Variants in DNAH1 observed in about 807,000 individuals in gnomAD.
The protein encoded by DNAH1 is dynein axonemal heavy chain 1.
A neutral mutation model predicts 484.3 loss-of-function variants in DNAH1; 327 were observed. The ratio of observed to expected loss-of-function variants is 0.68; its 90% CI spans 0.62 to 0.74. DNAH1 has a LOEUF of 0.74. Ranked by LOEUF, DNAH1 falls within the 30% of genes least tolerant of loss-of-function variation. DNAH1 has a pLI of 0.00. For missense variants in DNAH1, 5,052 were observed against 5,546.8 expected (o/e 0.91, Z 2.83); for synonymous variants, 2,192 against 2,191.9 (o/e 1.00, Z 0.00).
chr3:52,370,677 A>G (rs1295468845), intron 40 of DNAH1, 41 bp from the exon 41 acceptor site: 15 of 1,598,430 alleles, frequency 9.4e-6, no homozygotes, highest in Non-Finnish European at 1.3e-5. Flanking sequence ...CCTCAGTCCT[A>G]CTGGGCCTCA....
Position 52,396,763 on chromosome 3 carries a change from T to C in DNAH1, c.11576T>C (p.Met3859Thr). The C allele has an allele frequency of 6.2e-7, 1 of 1,613,750 alleles. No homozygotes were observed. The highest frequency in any genetic ancestry group is 8.5e-7 in the Non-Finnish European group (1 of 1,179,868). Residue 3859 changes from methionine (M) to threonine (T), a missense_variant, in exon 72 of 78, where the codon ATG becomes ACG. Physicochemically the swap from Met to Thr is moderately conservative, Grantham distance 81. This residue lies in a region of DNAH1 where 853 missense variants were observed against 899.0 expected (regional missense o/e 0.95). Coordinates refer to ENST00000420323, the MANE Select transcript of DNAH1 (RefSeq NM_015512.5). The part of the protein sequence containing the change: ...DLRICISQLK[M>T]FLDEYDDIPY... ...CGCATCTGCATCAGCCAGCTCAAGA[T>C]GTTCCTGGACGAATATGATGACATC...
Position 52,349,252 on chromosome 3 carries a change from C to G in DNAH1, c.2358C>G (p.His786Gln). Reference protein sequence around the residue: ...AQEVREVVLTHLREKEILDSS... With the variant: ...AQEVREVVLTQLREKEILDSS... ...AGGTGCGGGAGGTAGTGCTCACCCA[C>G]CTGCGGGAGAAGGAGATCCTGGACA... The change falls in exon 14 of 78, where the codon CAC (histidine) becomes CAG (glutamine). Residue 786 changes from histidine to glutamine, a missense_variant. By Grantham distance (24) the His-to-Gln change is conservative (BLOSUM62 0). Transcript: ENST00000420323. 6.2e-7 allele frequency: 1 copy of G among 1,613,984 alleles called. No homozygotes were observed. Among genetic ancestry groups the G allele is most frequent in the South Asian group, 1.1e-5 (1 of 91,082 alleles).
rs1702727669 is a variant in DNAH1 at position 52,358,778 on chromosome 3, C to T, written c.4266+41C>T. The stretch of plus-strand genomic sequence containing the variant: ...CCCGTGCAGCCTTCCACCCCTGCAC[C>T]CCTCTGCTCCCTCTCAGTGCCCCTC... On this transcript the variant is annotated intron_variant, in intron 25 of 77. Transcript: ENST00000420323. The surrounding 1 kb of genome is among the most constrained non-coding windows in gnomAD (Gnocchi z 4.2). 1 of 1,603,334 alleles carries T rather than the reference C, an allele frequency of 6.2e-7. No individual in the cohort carries two copies. Among genetic ancestry groups the T allele is most frequent in the Non-Finnish European group, 8.5e-7 (1 of 1,176,308 alleles).
intron 3 of DNAH1, among the ~76,000 whole-genome samples, chr3:52,324,259 A>G (rs924462755): frequency 6.6e-6 from 1 of 152,182 alleles, no homozygotes; most frequent in African/African-American, 2.4e-5. Context: ...CCCAGCACCT[A>G]GAACAGGACC....
At chr3:52,322,142 G>T (rs1397999965) in intron 1 of DNAH1, among the ~76,000 whole-genome samples, 3 of 152,186 alleles carry the variant, frequency 2.0e-5, no homozygotes, top group East Asian at 3.9e-4. Context: ...GGCATCTGCA[G>T]TGTTTCCCCT....
chr3:52,325,893 T>C (rs1300288586), intron 3 of DNAH1, among the ~76,000 whole-genome samples: 2 of 152,150 alleles, frequency 1.3e-5, no homozygotes, highest in African/African-American at 4.8e-5. Context: ...TCAAGCATGC[T>C]GGCTCTGGAC....
rs769364888 is a variant in DNAH1 at position 52,331,100 on chromosome 3, C to T, written c.872-48C>T. On this transcript the variant is annotated intron_variant, in intron 6 of 77. Transcript: ENST00000420323. ...GCTGCCAGCACTCAGAGGCCCCTTC[C>T]TGCCCCCATGGCGGGGGGCACTGGT... 2.6e-6 allele frequency: 4 copies of T among 1,544,942 alleles called. No homozygotes were observed. The South Asian group carries it at 3.6e-5, about 14-fold the overall frequency.
chr3:52,326,340 A>G, intron 4 of DNAH1, 26 bp downstream of exon 4: 2 of 1,590,882 alleles, frequency 1.3e-6, no homozygotes, highest in Non-Finnish European at 1.7e-6. Context: ...CTGTGGGGAG[A>G]CTGTCGGGGA....
At chr3:52,377,000 G>T (rs562143090) in intron 46 of DNAH1, among the ~76,000 whole-genome samples, 1 of 152,022 alleles carries the variant, frequency 6.6e-6, no homozygotes, top group African/African-American at 2.4e-5. Flanking sequence ...ACTGGGGCTT[G>T]GTCTCCAGCC....
chr3:52,345,816 G>A lies in DNAH1; in HGVS notation c.1656+110G>A, dbSNP rs1009131597. On this transcript the variant is annotated intron_variant, in intron 10 of 77. Coordinates refer to ENST00000420323, the MANE Select transcript of DNAH1 (RefSeq NM_015512.5). ...CCAGGGTCAGTGGGCCACATGGTGA[G>A]GCTGTGAGCCCCTGCTTTTCTCAAA... is the stretch of plus-strand genomic sequence containing the variant. 5.3e-6 allele frequency: 6 copies of A among 1,130,754 alleles called. No homozygotes were observed. In the Admixed American group the frequency reaches 9.4e-5, roughly 18 times the overall value. 70.0% of individuals were successfully genotyped at this position (1,130,754 alleles called of 1,614,324 possible).
chr3:52,375,298 A>G lies in DNAH1; in HGVS notation c.7044A>G (p.Gly2348=). ...NFVCAMGPPG[G]GRNTVTPRLM... The stretch of plus-strand genomic sequence containing the variant: ...TCTGTGCCATGGGCCCCCCGGGTGG[A>G]GGCAGGAACACCGTCACCCCGCGGC... The change falls in exon 45 of 78, where the codon GGA becomes GGG. Residue 2348 remains glycine (G), a synonymous_variant. Coordinates refer to ENST00000420323, the MANE Select transcript of DNAH1 (RefSeq NM_015512.5). 1 of 1,612,480 alleles carries G rather than the reference A, an allele frequency of 6.2e-7. No individual in the cohort carries two copies.
At chr3:52,335,435 G>A (rs1701708425) in intron 8 of DNAH1, among the ~76,000 whole-genome samples, 2 of 135,750 alleles carry the variant, frequency 1.5e-5, no homozygotes, top group South Asian at 2.4e-4. Flanking sequence ...TCTCTCCCGA[G>A]TAGCTGGAAT....
chr3:52,345,417 A>C (rs1702101053), intron 9 of DNAH1, 78 bp from the exon 10 acceptor site: 1 of 1,259,678 alleles, frequency 7.9e-7, no homozygotes, highest in Non-Finnish European at 1.1e-6. Context: ...CCCTCCTTCA[A>C]GCACCCTGTG....
At chr3:52,312,843 G>A (rs993541145), upstream of DNAH1, among the ~76,000 whole-genome samples, 15 of 151,998 alleles carry the variant, frequency 9.9e-5, no homozygotes, top group East Asian at 1.9e-4. Flanking sequence ...TAGTAGAGAC[G>A]GGGTTTTACT....
chr3:52,388,651 C>T (rs1442898547), intron 58 of DNAH1, 42 bp downstream of exon 58: 1 of 1,611,328 alleles, frequency 6.2e-7, no homozygotes, highest in East Asian at 2.2e-5. Context: ...CGGGCCCGGC[C>T]CAGACAGGGG....
intron 60 of DNAH1, among the ~76,000 whole-genome samples, chr3:52,390,349 C>T (rs1465711060): frequency 1.3e-5 from 2 of 152,172 alleles, no homozygotes; most frequent in African/African-American, 4.8e-5. Flanking sequence ...CCTGTAGTCC[C>T]AGCTTCTCAG....
chr3:52,335,002 A>G (rs1701686364), intron 8 of DNAH1, among the ~76,000 whole-genome samples: 1 of 151,928 alleles, frequency 6.6e-6, no homozygotes, highest in African/African-American at 2.4e-5. Context: ...GGGTTTCACC[A>G]TGTTCGCCAG....
chr3:52,356,732 A>G lies in DNAH1; in HGVS notation c.3812A>G (p.Glu1271Gly). 6.2e-7 allele frequency: 1 copy of G among 1,613,684 alleles called. No homozygotes were observed. The highest frequency in any genetic ancestry group is 8.5e-7 in the Non-Finnish European group (1 of 1,179,782). Residue 1271 changes from glutamate to glycine, a missense_variant, in exon 22 of 78, where the codon GAG (glutamate) becomes GGG (glycine). By Grantham distance (98) the Glu-to-Gly change is moderately conservative (BLOSUM62 -2). Around this residue, in one of 4 missense-constraint regions of DNAH1, gnomAD observed 2,929 missense variants for 3,409.4 expected, o/e 0.86. Transcript: ENST00000420323. ...GAGAGCAAGCGCTACCAGACCATGG[A>G]GCGGATCTGGAAGAAGATCATGAAG... ...PVESKRYQTMERIWKKIMKNA... is the reference protein window; with the variant it reads ...PVESKRYQTMGRIWKKIMKNA...
Position 52,372,273 on chromosome 3 carries a change from CT to C in DNAH1, c.6714del (p.Asp2239ThrfsTer58). On this transcript the variant is annotated frameshift_variant, in exon 43 of 78. Coordinates refer to ENST00000420323, the MANE Select transcript of DNAH1 (RefSeq NM_015512.5). LOFTEE classifies it high-confidence loss of function. ...PTGTGKTLTI[S>X]DKLLKNLALD... ...GGCACGGGGAAGACGCTCACCATCT[CT>C]GACAAGCTCCTCAAGAACCTGGCAC... The C allele has an allele frequency of 6.2e-7, 1 of 1,614,014 alleles. No individual in the cohort carries two copies. Among genetic ancestry groups the C allele is most frequent in the Admixed American group, 1.7e-5 (1 of 60,030 alleles).
Sources: gnomAD v4.1 joint callset for allele counts (sites outside exome capture counted in the v4.1 genomes callset) on GRCh38, gnomAD v4.1.1 for gene constraint, gnomAD v4.1.1 regional missense constraint, Gnocchi (gnomAD v3.1) non-coding constraint, MANE v1.5 for transcripts, NCBI Gene and HGNC (gene_info 2026-07-23, HGNC 2026-07-21) for gene names.